ANXA13: variants seen among roughly 807,000 people sequenced by gnomAD.
ANXA13 encodes the protein annexin A13, also known as annexin XIII.
A neutral mutation model predicts 46.6 loss-of-function variants in ANXA13; 36 were observed. The ratio of observed to expected loss-of-function variants is 0.77; its 90% CI spans 0.59 to 1.02. The LOEUF (loss-of-function observed/expected upper bound fraction) is 1.02. Among genes scored for constraint, ANXA13 ranks in the 50% least tolerant of loss-of-function variants. The pLI, the probability that ANXA13 is intolerant of heterozygous loss-of-function variation, is 0.00. For missense variants in ANXA13, 417 were observed against 396.5 expected (o/e 1.05, Z -0.44); for synonymous variants, 163 against 152.9 (o/e 1.07, Z -0.49).
At chr8:123,682,153 A>T (rs1813050940) in intron 10 of ANXA13, among the ~76,000 whole-genome samples, 2 of 152,184 alleles carry the variant, frequency 1.3e-5, no homozygotes, top group African/African-American at 2.4e-5. Flanking sequence ...TTTTTCCCTC[A>T]TACCATGATT....
intron 4 of ANXA13, among the ~76,000 whole-genome samples, chr8:123,697,681 G>A (rs1813367513): frequency 6.6e-6 from 1 of 152,198 alleles, no homozygotes; most frequent in African/African-American, 2.4e-5. Flanking sequence ...TTTCCTTGCT[G>A]GGCTGCCCCA....
At chr8:123,701,197 A>G (rs1421029289) in intron 3 of ANXA13, among the ~76,000 whole-genome samples, 1 of 150,750 alleles carries the variant, frequency 6.6e-6, no homozygotes, top group Non-Finnish European at 1.5e-5. Context: ...GCTTCAGGCC[A>G]GGCACGGTGG....
intron 1 of ANXA13, among the ~76,000 whole-genome samples, chr8:123,724,931 G>C: frequency 6.6e-6 from 1 of 152,180 alleles, no homozygotes; most frequent in South Asian, 2.1e-4. Context: ...TACAATGGCA[G>C]AGTAGTTACC....
At position 123,712,438 on chromosome 8, in the gene ANXA13, G is replaced by T; in HGVS notation, c.91+240C>A. 4 of 548,532 alleles carry T rather than the reference G, an allele frequency of 7.3e-6. No individual in the cohort carries two copies. The South Asian group carries it at 8.5e-5, about 12-fold the overall frequency. 34.0% of individuals were successfully genotyped at this position (548,532 alleles called of 1,614,324 possible). Reference sequence around the variant, plus strand: ...TCTCATGAAGTTTCTCTCACCTCAAGTTCAAATTAAACGTCACAATATCCA... The same window carrying T: ...TCTCATGAAGTTTCTCTCACCTCAATTTCAAATTAAACGTCACAATATCCA... On this transcript the variant is annotated intron_variant, in intron 2 of 10. Transcript: ENST00000419625.
intron 10 of ANXA13, 71 bp from the exon 11 acceptor site, chr8:123,681,430 A>G: frequency 1.4e-6 from 2 of 1,462,412 alleles, no homozygotes; most frequent in East Asian, 4.6e-5. Context: ...GCACTGTTCT[A>G]CACATGTTAT....
intron 2 of ANXA13, among the ~76,000 whole-genome samples, chr8:123,703,492 T>TA (rs1311179046): frequency 6.6e-6 from 1 of 152,222 alleles, no homozygotes; most frequent in African/African-American, 2.4e-5. Context: ...GGGTGAATTA[T>TA]ATGGTGCATG....
chr8:123,737,191 T>G, intron 1 of ANXA13, 129 bp downstream of exon 1: 1 of 932,518 alleles, frequency 1.1e-6, no homozygotes, highest in Non-Finnish European at 1.6e-6. Context: ...GGTATGCTGT[T>G]GCTAAAACCA....
intron 1 of ANXA13, chr8:123,735,887 A>T: frequency 7.0e-7 from 1 of 1,420,184 alleles, no homozygotes; most frequent in Non-Finnish European, 9.4e-7. Flanking sequence ...TCTGAGGATT[A>T]AAAAAAAATA....
rs561570359 is a variant in ANXA13, at chr8:123,717,690, C to T, written c.16-4937G>A. On this transcript the variant is annotated intron_variant, in intron 1 of 10. Coordinates refer to ENST00000419625, the MANE Select transcript of ANXA13 (RefSeq NM_004306.4). ...CAACTGCTTATTAGCCGTGTGACTT[C>T]GGGCAAGTTAGAGAACCTCTCTGTG... is the stretch of plus-strand genomic sequence containing the variant. 3.6e-4 allele frequency among the ~76,000 whole-genome samples: 55 copies of T among 152,290 alleles called. 1 individual carries two copies. The highest frequency in any genetic ancestry group is 1.3e-3 in the African/African-American group (52 of 41,550).
At chr8:123,695,478 C>T in intron 6 of ANXA13, 24 bp downstream of exon 6, 1 of 1,578,934 alleles carries the variant, frequency 6.3e-7, no homozygotes, top group Non-Finnish European at 8.7e-7. Flanking sequence ...GATGATAAAA[C>T]AGGTGACACC....
chr8:123,687,379 T>C (rs1813159233), intron 9 of ANXA13, among the ~76,000 whole-genome samples: 1 of 152,204 alleles, frequency 6.6e-6, no homozygotes, highest in Non-Finnish European at 1.5e-5. Flanking sequence ...GAGTTATTTA[T>C]ATCCTACTGC....
rs1222216694 is a variant in ANXA13 at position 123,685,789 on chromosome 8, T to C, written c.719-1067A>G. ...GAAAATCGCACCGGAAAAGAAACAA[T>C]GTCTGGCCTCTTTCTCCTGAGAACA... On this transcript the variant is annotated intron_variant, in intron 9 of 10. Coordinates refer to ENST00000419625, the MANE Select transcript of ANXA13 (RefSeq NM_004306.4). 2.0e-5 allele frequency among the ~76,000 whole-genome samples: 3 copies of C among 152,114 alleles called. No homozygotes were observed. The East Asian group carries it at 5.8e-4, about 29-fold the overall frequency.
chr8:123,691,935 A>G (rs1586314854), intron 8 of ANXA13, among the ~76,000 whole-genome samples: 1 of 152,292 alleles, frequency 6.6e-6, no homozygotes, highest in East Asian at 1.9e-4. Context: ...GTAGTGTGGG[A>G]GGAGGATCTC....
intron 1 of ANXA13, among the ~76,000 whole-genome samples, chr8:123,714,414 G>A (rs747704677): frequency 4.6e-4 from 70 of 152,300 alleles, no homozygotes; most frequent in Non-Finnish European, 6.3e-4. Flanking sequence ...GTGAAAGTGC[G>A]TGAGTCTAGG....
rs2129858822 is a variant in ANXA13 at position 123,698,577 on chromosome 8, G to C, written c.187-18C>G. The C allele has an allele frequency of 6.2e-7, 1 of 1,612,852 alleles. No individual in the cohort carries two copies. On this transcript the variant is annotated intron_variant, in intron 3 of 10. Coordinates refer to ENST00000419625, the MANE Select transcript of ANXA13 (RefSeq NM_004306.4). ...TCCAGCTCCTACCAGAAGACAGTGA[G>C]AGACGTGCTGGGAATGGCCCAGGAG...
chr8:123,733,690 C>T (rs1483887506), intron 1 of ANXA13, among the ~76,000 whole-genome samples: 1 of 152,216 alleles, frequency 6.6e-6, no homozygotes, highest in East Asian at 1.9e-4. Context: ...CCCCAGTGTG[C>T]AGAGCTCTTC....
At chr8:123,722,769 A>C (rs1813908928) in intron 1 of ANXA13, among the ~76,000 whole-genome samples, 1 of 152,198 alleles carries the variant, frequency 6.6e-6, no homozygotes. Flanking sequence ...AGCGCTGGAC[A>C]GGGAGGTTTC....
chr8:123,735,765 G>A, intron 1 of ANXA13: 3 of 1,611,452 alleles, frequency 1.9e-6, no homozygotes, highest in Non-Finnish European at 2.5e-6. Flanking sequence ...AGGCTGTGGG[G>A]CCTCTGGCTC....
rs75524871 is a variant in ANXA13, at chr8:123,682,407, G to A, written c.832-1048C>T. Among the ~76,000 whole-genome samples, 5 of 152,218 alleles carry A rather than the reference G, an allele frequency of 3.3e-5. No individual in the cohort carries two copies. In the East Asian group the frequency reaches 7.7e-4, roughly 23 times the overall value. ...CATAATGGATCTCATAAAAGAAGCA[G>A]AGAACTCTTTTTAACCAGGAGTCTT... On this transcript the variant is annotated intron_variant, in intron 10 of 10. Coordinates refer to ENST00000419625, the MANE Select transcript of ANXA13 (RefSeq NM_004306.4).
Sources: gnomAD v4.1 joint callset for allele counts (sites outside exome capture counted in the v4.1 genomes callset) on GRCh38, gnomAD v4.1.1 for gene constraint, MANE v1.5 for transcripts, NCBI Gene and HGNC (gene_info 2026-07-23, HGNC 2026-07-21) for gene names.